The following ERFE variants were observed in gnomAD, a reference collection of about 807,000 sequenced individuals.
The protein encoded by ERFE is complement C1q tumor necrosis factor-related protein 15.
ERFE carries 25 observed loss-of-function variants against 26.6 expected under a neutral mutation model. That is an observed-to-expected ratio of 0.94 (90% CI 0.69 to 1.31). ERFE has a LOEUF of 1.31. Ranked by LOEUF, ERFE falls within the 40% of genes most tolerant of loss-of-function variation. ERFE has a pLI of 0.00. For synonymous variants in ERFE, 206 were observed against 204.5 expected (o/e 1.01, Z -0.06); for missense variants, 447 against 440.2 (o/e 1.02, Z -0.14).
Position 238,164,085 on chromosome 2 carries a change from AG to A in ERFE, c.701del (p.Gly234ValfsTer9). On this transcript the variant is annotated frameshift_variant, in exon 5 of 8. Coordinates refer to ENST00000546354, the MANE Select transcript of ERFE (RefSeq NM_001291832.2). LOFTEE classifies it high-confidence loss of function. The part of the protein sequence containing the change: ...ELGVYYLPDA[E>X]GAFRRGPGLN... ...CCGTGCCCCTCGCAGCCCGACGCCGAGGGTGCCTTCCGCCGCGGCCCGGGCC... is the reference window on the plus strand; with the variant it reads ...CCGTGCCCCTCGCAGCCCGACGCCGAGGTGCCTTCCGCCGCGGCCCGGGCC... 1 of 1,425,976 alleles carries A rather than the reference AG, an allele frequency of 7.0e-7. No individual in the cohort carries two copies. Among genetic ancestry groups the A allele is most frequent in the South Asian group, 1.4e-5 (1 of 70,500 alleles). 88.3% of individuals were successfully genotyped at this position (1,425,976 alleles called of 1,614,324 possible).
In ERFE at chr2:238,168,857, G is replaced by A. The variant is rs1427259246; in HGVS notation, c.*1803G>A. The A allele has an allele frequency of 1.8e-5, 3 of 164,120 alleles. No individual in the cohort carries two copies. Among genetic ancestry groups the A allele is most frequent in the Non-Finnish European group, 4.0e-5 (3 of 74,390 alleles). 10.2% of individuals were successfully genotyped at this position (164,120 alleles called of 1,614,324 possible). A position where few individuals can be genotyped will look rare whatever the true frequency, so the allele number is the denominator to read the frequency against. ...GTGTGTTATGCAGCAATTTATTAAA[G>A]TATTTATTGTCTAATAAATACTGCC... On this transcript the variant is annotated 3_prime_UTR_variant, in exon 8 of 8. Coordinates refer to ENST00000546354, the MANE Select transcript of ERFE (RefSeq NM_001291832.2).
At position 238,162,448 on chromosome 2, in the gene ERFE, T is replaced by C. The variant is rs562344223; in HGVS notation, c.322-288T>C. ...GCAAGTCCCCAAAAGCAGCCTAGAG[T>C]CTTCTTCCCTCCACGAGGCCTGGCC... On this transcript the variant is annotated intron_variant, in intron 2 of 7. Transcript: ENST00000546354. Among the ~76,000 whole-genome samples the C allele has an allele frequency of 5.5e-4, 84 of 152,002 alleles. 1 individual carries two copies. The South Asian group carries it at 0.017, about 31-fold the overall frequency.
chr2:238,167,210 A>G lies in ERFE; in HGVS notation c.*156A>G, dbSNP rs1166971738. ...GCAGTTCAGCCCACAGAGCCACTGCAGGCAGGCCTACGGACGTGACACGCA... is the reference window on the plus strand; with the variant it reads ...GCAGTTCAGCCCACAGAGCCACTGCGGGCAGGCCTACGGACGTGACACGCA... On this transcript the variant is annotated 3_prime_UTR_variant, in exon 8 of 8. Coordinates refer to ENST00000546354, the MANE Select transcript of ERFE (RefSeq NM_001291832.2). 1.2e-6 allele frequency: 1 copy of G among 817,446 alleles called. No individual in the cohort carries two copies. Among genetic ancestry groups the G allele is most frequent in the South Asian group, 1.4e-5 (1 of 69,258 alleles). The allele number at this position is 817,446 out of a possible 1,614,324, so 50.6% of individuals were successfully genotyped here. A position where few individuals can be genotyped will look rare whatever the true frequency, so the allele number is the denominator to read the frequency against.
intron 2 of ERFE, among the ~76,000 whole-genome samples, chr2:238,162,283 G>A (rs1692950446): frequency 6.6e-6 from 1 of 152,358 alleles, no homozygotes; most frequent in East Asian, 1.9e-4. Flanking sequence ...TCGTGGCCTG[G>A]CCTTCTACCT....
rs949064579 is a variant in ERFE, at chr2:238,164,304, C to T, written c.831C>T (p.Arg277=). 4 of 1,521,526 alleles carry T rather than the reference C, an allele frequency of 2.6e-6. No individual in the cohort carries two copies. The highest frequency in any genetic ancestry group is 3.5e-6 in the Non-Finnish European group (4 of 1,138,920). 94.3% of individuals were successfully genotyped at this position (1,521,526 alleles called of 1,614,324 possible). ...LGEPPRRGPP[R]PRDHLRLLIC... ...AGCCGCCGAGGAGGGGGCCGCCGCG[C>T]CCCCGGGACCACCTGCGCCTGCTCA... The change falls in exon 6 of 8, where the codon CGC becomes CGT. Residue 277 remains arginine (R), a synonymous_variant. Coordinates refer to ENST00000546354, the MANE Select transcript of ERFE (RefSeq NM_001291832.2).
In ERFE at chr2:238,164,076, C is replaced by A; in HGVS notation, c.689C>A (p.Pro230His). The change falls in exon 5 of 8, where the codon CCC (proline) becomes CAC (histidine). Residue 230 changes from proline to histidine, a missense_variant and splice_region_variant. Pro to His is a moderately conservative substitution (Grantham distance 77). Transcript: ENST00000546354. ...ALHELGVYYL[P>H]DAEGAFRRGP... ...GGTGACCATCCGTGCCCCTCGCAGC[C>A]CGACGCCGAGGGTGCCTTCCGCCGC... is the stretch of plus-strand genomic sequence containing the variant. 7.0e-7 allele frequency: 1 copy of A among 1,418,912 alleles called. No homozygotes were observed. The highest frequency in any genetic ancestry group is 9.2e-7 in the Non-Finnish European group (1 of 1,090,562). The allele number at this position is 1,418,912 out of a possible 1,614,324, so 87.9% of individuals were successfully genotyped here.
At chr2:238,164,440 C>T (rs1229948501) in intron 6 of ERFE, 80 bp downstream of exon 6, 7 of 1,403,954 alleles carry the variant, frequency 5.0e-6, no homozygotes, top group Middle Eastern at 1.9e-4. Flanking sequence ...AGGCACTGGA[C>T]GGGGCTTCCG....
intron 6 of ERFE, 101 bp from the exon 7 acceptor site, chr2:238,165,505 C>G (rs1693020025): frequency 9.9e-7 from 1 of 1,013,558 alleles, no homozygotes; most frequent in East Asian, 2.7e-5. Context: ...GGGTCAGGCA[C>G]TTTGCTGGGC....
Position 238,168,150 on chromosome 2 carries a change from GCTC to G in ERFE, c.*1099_*1101del. On this transcript the variant is annotated 3_prime_UTR_variant, in exon 8 of 8. Coordinates refer to ENST00000546354, the MANE Select transcript of ERFE (RefSeq NM_001291832.2). ...GGAGGGCTGGTCCCAAGCCTGCTGT[GCTC>G]CTGTGGCAGTGATGGGGCCTGGGGA... is the stretch of plus-strand genomic sequence containing the variant. 1 of 284,710 alleles carries G rather than the reference GCTC, an allele frequency of 3.5e-6. No individual in the cohort carries two copies. Among genetic ancestry groups the G allele is most frequent in the Non-Finnish European group, 7.1e-6 (1 of 140,928 alleles). 17.6% of individuals were successfully genotyped at this position (284,710 alleles called of 1,614,324 possible). A position where few individuals can be genotyped will look rare whatever the true frequency, so the allele number is the denominator to read the frequency against.
At position 238,163,997 on chromosome 2, in the gene ERFE, C is replaced by A; in HGVS notation, c.685C>A (p.Leu229Met). The A allele has an allele frequency of 2.2e-6, 3 of 1,382,600 alleles. No individual in the cohort carries two copies. Among genetic ancestry groups the A allele is most frequent in the South Asian group, 1.6e-5 (1 of 60,940 alleles). 85.6% of individuals were successfully genotyped at this position (1,382,600 alleles called of 1,614,324 possible). A position where few individuals can be genotyped will look rare whatever the true frequency, so the allele number is the denominator to read the frequency against. Reference protein sequence around the residue: ...RALHELGVYYLPDAEGAFRRG... With the variant: ...RALHELGVYYMPDAEGAFRRG... ...GCTGCACGAGCTTGGCGTCTACTACCTGGTGAGTGCCGGCGCGCGGGAGGG... is the reference window on the plus strand; with the variant it reads ...GCTGCACGAGCTTGGCGTCTACTACATGGTGAGTGCCGGCGCGCGGGAGGG... The change falls in exon 4 of 8, where the codon CTG (leucine) becomes ATG (methionine). Residue 229 changes from leucine (L) to methionine (M), a missense_variant and splice_region_variant. Transcript: ENST00000546354.
At chr2:238,165,459 C>T (rs978145103) in intron 6 of ERFE, 147 bp from the exon 7 acceptor site, 3 of 636,734 alleles carry the variant, frequency 4.7e-6, no homozygotes, top group Admixed American at 4.8e-5. Context: ...CTTGGGGACT[C>T]GGTTCAGACA....
chr2:238,167,001 T>G lies in ERFE; in HGVS notation c.1012T>G (p.Ser338Ala), dbSNP rs996946561. ...GTTCTTGGACAACGCCAGCGGCTGC[T>G]CCCTCACAGTGCGCAGTGGCTCCCA... ...SVFLDNASGC[S>A]LTVRSGSHFS... is the part of the protein sequence containing the mutation. Residue 338 changes from serine to alanine, a missense_variant, in exon 8 of 8, where the codon TCC becomes GCC. Ser to Ala is a moderately conservative substitution (Grantham distance 99, BLOSUM62 1). Coordinates refer to ENST00000546354, the MANE Select transcript of ERFE (RefSeq NM_001291832.2). 3.9e-6 allele frequency: 6 copies of G among 1,550,554 alleles called. No homozygotes were observed. Among genetic ancestry groups the G allele is most frequent in the Non-Finnish European group, 5.2e-6 (6 of 1,146,996 alleles).
chr2:238,166,989 G>A lies in ERFE; in HGVS notation c.1000G>A (p.Ala334Thr), dbSNP rs1188465187. ...GQWTSVFLDNASGCSLTVRSG... is the reference protein window; with the variant it reads ...GQWTSVFLDNTSGCSLTVRSG... ...GTGGACCTCCGTGTTCTTGGACAAC[G>A]CCAGCGGCTGCTCCCTCACAGTGCG... The change falls in exon 8 of 8, where the codon GCC (alanine) becomes ACC (threonine). Residue 334 changes from alanine (A) to threonine (T), a missense_variant. Coordinates refer to ENST00000546354, the MANE Select transcript of ERFE (RefSeq NM_001291832.2). 6.4e-6 allele frequency: 10 copies of A among 1,550,492 alleles called. No individual in the cohort carries two copies. Among genetic ancestry groups the A allele is most frequent in the East Asian group, 2.4e-5 (1 of 40,920 alleles).
At chr2:238,163,670 G>A in intron 3 of ERFE, 67 bp from the exon 4 acceptor site, 2 of 1,255,028 alleles carry the variant, frequency 1.6e-6, no homozygotes, top group Non-Finnish European at 2.0e-6. Context: ...CTGTCGTTCA[G>A]GGCTGGACCC....
At position 238,167,814 on chromosome 2, in the gene ERFE, A is replaced by C. The variant is rs1693069592; in HGVS notation, c.*760A>C. ...CCCTCCTCTGCAAATCTTCACAGCC[A>C]AGGCCCCTTCCACCCTCTCCAGAGG... On this transcript the variant is annotated 3_prime_UTR_variant, in exon 8 of 8. Coordinates refer to ENST00000546354, the MANE Select transcript of ERFE (RefSeq NM_001291832.2). 1 of 259,884 alleles carries C rather than the reference A, an allele frequency of 3.8e-6. No individual in the cohort carries two copies. The highest frequency in any genetic ancestry group is 7.6e-6 in the Non-Finnish European group (1 of 131,196). The allele number at this position is 259,884 out of a possible 1,614,324, so 16.1% of individuals were successfully genotyped here.
intron 2 of ERFE, among the ~76,000 whole-genome samples, chr2:238,162,518 T>C (rs1214653959): frequency 6.6e-6 from 1 of 152,014 alleles, no homozygotes; most frequent in Non-Finnish European, 1.5e-5. Flanking sequence ...CAGAGCAGAG[T>C]CCTTCCCTGC....
At position 238,168,637 on chromosome 2, in the gene ERFE, C is replaced by T. The variant is rs1182734366; in HGVS notation, c.*1583C>T. On this transcript the variant is annotated 3_prime_UTR_variant, in exon 8 of 8. Transcript: ENST00000546354. Reference sequence around the variant, plus strand: ...CCTGGGAAAGGCCTGGTGCGATTCTCAGTAGGACTCACACCCACCCTACCT... The same window carrying T: ...CCTGGGAAAGGCCTGGTGCGATTCTTAGTAGGACTCACACCCACCCTACCT... 1.1e-5 allele frequency: 4 copies of T among 365,004 alleles called. No homozygotes were observed. Among genetic ancestry groups the T allele is most frequent in the African/African-American group, 2.1e-5 (1 of 46,892 alleles). 22.6% of individuals were successfully genotyped at this position (365,004 alleles called of 1,614,324 possible).
intron 1 of ERFE, among the ~76,000 whole-genome samples, 175 bp from the exon 2 acceptor site, chr2:238,161,419 G>C (rs367623750): frequency 1.3e-5 from 2 of 152,220 alleles, no homozygotes; most frequent in African/African-American, 4.8e-5. Flanking sequence ...CGGGCCGGGG[G>C]AGAAGCTGTG....
At chr2:238,162,863 A>T (rs1475815979) in intron 3 of ERFE, 25 bp downstream of exon 3, 6 of 1,522,130 alleles carry the variant, frequency 3.9e-6, no homozygotes, top group Non-Finnish European at 4.5e-6. Flanking sequence ...CGGCTGGGAC[A>T]CACACACCCC....
Sources: gnomAD v4.1 joint callset for allele counts (sites outside exome capture counted in the v4.1 genomes callset) on GRCh38, gnomAD v4.1.1 for gene constraint, MANE v1.5 for transcripts, NCBI Gene and HGNC (gene_info 2026-07-23, HGNC 2026-07-21) for gene names.